The following AMZ1 variants were observed in gnomAD, a reference collection of about 807,000 sequenced individuals.
AMZ1 encodes the protein archaelysin family metallopeptidase 1.
In AMZ1, 39 loss-of-function variants were observed where a neutral mutation model predicts 29.9. That is an observed-to-expected ratio of 1.30 (90% CI 1.01 to 1.70). The LOEUF is 1.70. Ranked by LOEUF, AMZ1 falls within the 40% of genes most tolerant of loss-of-function variation. The pLI, the probability that AMZ1 is intolerant of heterozygous loss-of-function variation, is 0.00. For synonymous variants in AMZ1, 458 were observed against 304.0 expected (o/e 1.51, Z -5.27); for missense variants, 1,041 against 680.6 (o/e 1.53, Z -5.89).
intron 3 of AMZ1, among the ~76,000 whole-genome samples, chr7:2,703,921 C>G (rs904091094): frequency 2.0e-5 from 3 of 152,318 alleles, no homozygotes; most frequent in Non-Finnish European, 2.9e-5. Context: ...CAGAATCTTG[C>G]TCTGTCGCCC....
upstream of AMZ1, among the ~76,000 whole-genome samples, chr7:2,760,154 T>C (rs1445009554): frequency 6.6e-6 from 1 of 152,266 alleles, no homozygotes; most frequent in Non-Finnish European, 1.5e-5. Flanking sequence ...ATGGACGTGC[T>C]TTCTTCCCAT....
rs776467870 is a variant in AMZ1 at position 2,709,773 on chromosome 7, A to G, written c.905A>G (p.Lys302Arg). 3.1e-6 allele frequency: 5 copies of G among 1,611,800 alleles called. No homozygotes were observed. The highest frequency in any genetic ancestry group is 4.2e-6 in the Non-Finnish European group (5 of 1,179,698). ...PLDLCPICLRKLQHVLGFRLI... is the reference protein window; with the variant it reads ...PLDLCPICLRRLQHVLGFRLI... ...GACCTCTGTCCCATCTGCCTGAGGA[A>G]GCTGCAGCATGTCCTGGGTTTCAGG... The change falls in exon 6 of 7, where the codon AAG becomes AGG. Residue 302 changes from lysine (K) to arginine (R), a missense_variant. Lys to Arg is a conservative substitution (Grantham distance 26, BLOSUM62 2). Coordinates refer to ENST00000683327, the MANE Select transcript of AMZ1 (RefSeq NM_001384743.1).
chr7:2,738,463 C>T (rs537203977), intron 4 of AMZ1, among the ~76,000 whole-genome samples: 28 of 152,244 alleles, frequency 1.8e-4, no homozygotes, highest in African/African-American at 6.3e-4. Context: ...AGGAGGTTTC[C>T]GATACCCACT....
chr7:2,691,929 G>T (rs761064484), intron 1 of AMZ1, among the ~76,000 whole-genome samples: 6 of 152,092 alleles, frequency 3.9e-5, no homozygotes, highest in Non-Finnish European at 8.8e-5. Context: ...TAATTGATAG[G>T]CCCCTGTGGA....
chr7:2,710,535 C>A (rs371832652), intron 6 of AMZ1, among the ~76,000 whole-genome samples: 4 of 152,324 alleles, frequency 2.6e-5, no homozygotes, highest in Admixed American at 6.5e-5. Context: ...CCGGACCGAG[C>A]CTGTCAGAAT....
chr7:2,690,794 C>G (rs548164880), intron 1 of AMZ1, among the ~76,000 whole-genome samples: 1 of 152,142 alleles, frequency 6.6e-6, no homozygotes, highest in African/African-American at 2.4e-5. Flanking sequence ...CAGTTTGGGC[C>G]CAAGTCACAC....
At chr7:2,729,726 G>A (rs1789793757) in intron 4 of AMZ1, 1 of 152,414 alleles carries the variant, frequency 6.6e-6, no homozygotes, top group Non-Finnish European at 1.5e-5. Context: ...ACATTCGGGT[G>A]CCAATTAAGA....
chr7:2,681,827 C>G (rs1786893474), intron 1 of AMZ1, among the ~76,000 whole-genome samples: 1 of 152,162 alleles, frequency 6.6e-6, no homozygotes, highest in African/African-American at 2.4e-5. Context: ...GAGAGAGAGA[C>G]CAAGAACCCC....
Position 2,717,413 on chromosome 7 carries a change from G to A in AMZ1, c.*4535G>A, listed in dbSNP as rs1043383443. ...CAGTAAGAGTGAGAGACTCACGGGG[G>A]CCTGGCTGCCGTCCTGGGAGAGGCC... On this transcript the variant is annotated 3_prime_UTR_variant, in exon 7 of 7. Coordinates refer to ENST00000683327, the MANE Select transcript of AMZ1 (RefSeq NM_001384743.1). Among the ~76,000 whole-genome samples, 1 of 152,216 alleles carries A rather than the reference G, an allele frequency of 6.6e-6. No homozygotes were observed. The highest frequency in any genetic ancestry group is 1.5e-5 in the Non-Finnish European group (1 of 68,038).
intron 4 of AMZ1, 142 bp downstream of exon 4, chr7:2,708,858 C>T: frequency 1.5e-6 from 2 of 1,374,908 alleles, no homozygotes; most frequent in Middle Eastern, 2.6e-4. Context: ...AATAGATGGC[C>T]CCTTCCAGCT....
intron 4 of AMZ1, among the ~76,000 whole-genome samples, chr7:2,725,362 C>T (rs545669156): frequency 1.3e-5 from 2 of 152,346 alleles, no homozygotes; most frequent in South Asian, 2.1e-4. Flanking sequence ...AGGGGAAGGG[C>T]GAAGGATGCT....
chr7:2,744,055 A>C (rs1272779381), intron 4 of AMZ1, among the ~76,000 whole-genome samples: 1 of 152,230 alleles, frequency 6.6e-6, no homozygotes, highest in Non-Finnish European at 1.5e-5. Flanking sequence ...CCACAGCTCA[A>C]GGAGGCCTGC....
chr7:2,733,601 T>C, intron 4 of AMZ1: 3 of 854,218 alleles, frequency 3.5e-6, no homozygotes, highest in Non-Finnish European at 5.9e-6. Context: ...GCATTTCGCC[T>C]CCGTGTGAAT....
rs762909854 is a variant in AMZ1 at position 2,702,815 on chromosome 7, C to G, written c.398C>G (p.Pro133Arg). 3.2e-6 allele frequency: 5 copies of G among 1,555,254 alleles called. No homozygotes were observed. The highest frequency in any genetic ancestry group is 3.5e-6 in the Non-Finnish European group (4 of 1,154,286). Reference sequence around the variant, plus strand: ...CTGGGCCTGCGCGTCAAGTGCCTGCCGTCGGTGGCAGCCGCGTCCATCCGC... The same window carrying G: ...CTGGGCCTGCGCGTCAAGTGCCTGCGGTCGGTGGCAGCCGCGTCCATCCGC... ...FFLGLRVKCL[P>R]SVAAASIRCS... Residue 133 changes from proline to arginine, a missense_variant, in exon 3 of 7, where the codon CCG becomes CGG. Pro to Arg is a moderately radical substitution (Grantham distance 103). Coordinates refer to ENST00000683327, the MANE Select transcript of AMZ1 (RefSeq NM_001384743.1).
intron 4 of AMZ1, among the ~76,000 whole-genome samples, chr7:2,746,262 G>C (rs1790758594): frequency 6.6e-6 from 1 of 152,050 alleles, no homozygotes; most frequent in Admixed American, 6.6e-5. Context: ...TTGACCACTT[G>C]ATAGTTGGAA....
In AMZ1 at chr7:2,718,002, G is replaced by A. The variant is rs958930257; in HGVS notation, c.*5124G>A. Among the ~76,000 whole-genome samples, 8 of 152,150 alleles carry A rather than the reference G, an allele frequency of 5.3e-5. No individual in the cohort carries two copies. Among genetic ancestry groups the A allele is most frequent in the African/African-American group, 1.9e-4 (8 of 41,432 alleles). The stretch of plus-strand genomic sequence containing the variant: ...CACGGCGGCCCCTGCCTCCCCCGGC[G>A]GCTCCACAATGGCCCTCAGAGGGTC... On this transcript the variant is annotated 3_prime_UTR_variant, in exon 7 of 7. Coordinates refer to ENST00000683327, the MANE Select transcript of AMZ1 (RefSeq NM_001384743.1).
chr7:2,744,465 G>T (rs532890266), intron 4 of AMZ1, among the ~76,000 whole-genome samples: 3 of 152,180 alleles, frequency 2.0e-5, no homozygotes, highest in Non-Finnish European at 2.9e-5. Flanking sequence ...GGTCCTGTCT[G>T]TTAGAAGGAA....
At chr7:2,685,076 A>T (rs141752569), upstream of AMZ1, among the ~76,000 whole-genome samples, 1,296 of 151,514 alleles carry the variant, frequency 8.6e-3, 22 homozygotes, top group African/African-American at 0.03. Context: ...TCACTGTGTT[A>T]GCCAGGATGG....
chr7:2,745,735 A>G (rs1455813971), intron 4 of AMZ1, among the ~76,000 whole-genome samples: 1 of 152,228 alleles, frequency 6.6e-6, no homozygotes, highest in African/African-American at 2.4e-5. Flanking sequence ...AAATTGGATA[A>G]AGAGTCAAGA....
Sources: gnomAD v4.1 joint callset for allele counts (sites outside exome capture counted in the v4.1 genomes callset) on GRCh38, gnomAD v4.1.1 for gene constraint, MANE v1.5 for transcripts, NCBI Gene and HGNC (gene_info 2026-07-23, HGNC 2026-07-21) for gene names.